The following CADPS2 variants were observed in gnomAD, a reference collection of about 807,000 sequenced individuals.
CADPS2 encodes calcium-dependent secretion activator 2.
CADPS2 carries 93 observed loss-of-function variants against 172.5 expected under a neutral mutation model. That is an observed-to-expected ratio of 0.54 (90% CI 0.46 to 0.64). The LOEUF (loss-of-function observed/expected upper bound fraction) is 0.64, where lower values mean the gene tolerates loss of function less well. Ranked by LOEUF, CADPS2 falls within the 30% of genes least tolerant of loss-of-function variation. CADPS2 has a pLI of 0.00. For synonymous variants in CADPS2, 546 were observed against 555.2 expected (o/e 0.98, Z 0.23); for missense variants, 1,420 against 1,565.9 (o/e 0.91, Z 1.57).
intron 2 of CADPS2, among the ~76,000 whole-genome samples, chr7:122,691,697 C>A (rs1330285022): frequency 6.6e-6 from 1 of 152,226 alleles, no homozygotes; most frequent in African/African-American, 2.4e-5. Flanking sequence ...TCCTGGCTCT[C>A]TGGAGCAATG....
At chr7:122,541,199 ATTT>A (rs35364064) in intron 8 of CADPS2, among the ~76,000 whole-genome samples, 5 of 138,110 alleles carry the variant, frequency 3.6e-5, no homozygotes, top group South Asian at 2.3e-4. Flanking sequence ...TTATGAGATG[ATTT>A]TTTTTTTTTT....
At chr7:122,708,938 C>G (rs1029114045) in intron 2 of CADPS2, among the ~76,000 whole-genome samples, 6 of 151,632 alleles carry the variant, frequency 4.0e-5, no homozygotes, top group African/African-American at 1.5e-4. Flanking sequence ...AATATTTGGC[C>G]GTAGTATAAT....
intron 1 of CADPS2, among the ~76,000 whole-genome samples, chr7:122,739,884 C>A (rs2092376623): frequency 6.6e-6 from 1 of 151,854 alleles, no homozygotes; most frequent in African/African-American, 2.4e-5. Context: ...AGAAACAGAC[C>A]GAAATACAAT....
intron 27 of CADPS2, among the ~76,000 whole-genome samples, chr7:122,351,349 G>C (rs1461157184): frequency 1.1e-5 from 1 of 88,164 alleles, no homozygotes; most frequent in South Asian, 3.7e-4. Context: ...CTCCAGCCTG[G>C]GTGACAGAGC....
chr7:122,538,183 C>T (rs971309214), intron 8 of CADPS2, among the ~76,000 whole-genome samples: 1 of 150,346 alleles, frequency 6.7e-6, no homozygotes, highest in Non-Finnish European at 1.5e-5. Flanking sequence ...AAAGAGAATG[C>T]AAAAAAATTA....
At chr7:122,723,722 TGC>T (rs1326978332) in intron 2 of CADPS2, among the ~76,000 whole-genome samples, 5 of 152,090 alleles carry the variant, frequency 3.3e-5, no homozygotes, top group Non-Finnish European at 7.4e-5. Flanking sequence ...TAAAGACACA[TGC>T]ACACATATGT....
intron 2 of CADPS2, chr7:122,701,753 A>T: frequency 1.0e-6 from 1 of 989,368 alleles, no homozygotes; most frequent in Non-Finnish European, 1.5e-6. Context: ...TTCTCTCTAC[A>T]TAAAGTACAA....
intron 1 of CADPS2, among the ~76,000 whole-genome samples, chr7:122,793,704 T>C (rs969730880): frequency 6.6e-6 from 1 of 152,202 alleles, no homozygotes; most frequent in Non-Finnish European, 1.5e-5. Flanking sequence ...GACTTGTTTA[T>C]GTGGTTGCTT....
rs923411823 is a variant in CADPS2, at chr7:122,395,913, G to A, written c.2747-2331C>T. Among the ~76,000 whole-genome samples, 5 of 151,694 alleles carry A rather than the reference G, an allele frequency of 3.3e-5. No individual in the cohort carries two copies. The East Asian group carries it at 7.8e-4, about 24-fold the overall frequency. On this transcript the variant is annotated intron_variant, in intron 20 of 29. Coordinates refer to ENST00000449022, the MANE Select transcript of CADPS2 (RefSeq NM_017954.11). ...CAACCTCTGCCTCCTGGGTTTAAGC[G>A]ATTCTCCTGCCTCAGCCTCCCGAGT...
rs967644530 is a variant in CADPS2, at chr7:122,485,562, G to GGTCA, written c.1852+4515_1852+4518dup. On this transcript the variant is annotated intron_variant, in intron 11 of 29. Transcript: ENST00000449022. ...CTCTGCAAACTGTGAAGCCAGCAGA[G>GGTCA]GTCAGCTCATTAGGGTTAAGGAAAA... Among the ~76,000 whole-genome samples the GGTCA allele has an allele frequency of 4.6e-5, 7 of 152,278 alleles. No homozygotes were observed. In the Middle Eastern group the frequency reaches 0.01, roughly 222 times the overall value.
intron 8 of CADPS2, among the ~76,000 whole-genome samples, chr7:122,548,918 T>C (rs983796635): frequency 5.9e-5 from 9 of 152,140 alleles, no homozygotes; most frequent in East Asian, 1.9e-4. Flanking sequence ...AACTACCATA[T>C]CTACATCCAT....
chr7:122,878,513 G>A (rs1821925118), intron 1 of CADPS2, among the ~76,000 whole-genome samples: 1 of 151,018 alleles, frequency 6.6e-6, no homozygotes, highest in Non-Finnish European at 1.5e-5. Flanking sequence ...AGTGGCGGGT[G>A]CCTGTAGTCC....
At chr7:122,638,045 C>T (rs2077242402) in intron 3 of CADPS2, among the ~76,000 whole-genome samples, 1 of 152,152 alleles carries the variant, frequency 6.6e-6, no homozygotes, top group African/African-American at 2.4e-5. Flanking sequence ...TTGGCATACG[C>T]ACAGTAGTAC....
intron 1 of CADPS2, among the ~76,000 whole-genome samples, chr7:122,828,358 T>TA (rs367671935): frequency 1.3e-5 from 2 of 152,136 alleles, no homozygotes; most frequent in South Asian, 2.1e-4. Context: ...CTTTTTTTTT[T>TA]ATCCACTCTA....
intron 9 of CADPS2, among the ~76,000 whole-genome samples, chr7:122,504,818 G>T (rs1046278436): frequency 1.3e-5 from 2 of 152,094 alleles, no homozygotes; most frequent in African/African-American, 4.8e-5. Flanking sequence ...AGCAATCTCA[G>T]TTTCTGGAGT....
intron 12 of CADPS2, among the ~76,000 whole-genome samples, chr7:122,476,996 GGGAGA>G (rs1208335745): frequency 0.1 from 4,884 of 47,520 alleles, 854 homozygotes; most frequent in Non-Finnish European, 0.16. Flanking sequence ...GGGAGGGGAG[GGGAGA>G]GGAGAGGAGA....
chr7:122,552,671 T>C (rs1340686477), intron 8 of CADPS2, among the ~76,000 whole-genome samples: 1 of 152,030 alleles, frequency 6.6e-6, no homozygotes, highest in East Asian at 1.9e-4. Context: ...CTATGCATGT[T>C]CAGTCTTTGT....
chr7:122,885,788 C>G (rs115694041), intron 1 of CADPS2, among the ~76,000 whole-genome samples: 1,711 of 152,252 alleles, frequency 0.011, 34 homozygotes, highest in African/African-American at 0.04. Context: ...CCTGCCAGCC[C>G]AGGCGGGGAG....
chr7:122,726,882 T>A (rs1204146564), intron 2 of CADPS2, among the ~76,000 whole-genome samples: 1 of 151,414 alleles, frequency 6.6e-6, no homozygotes, highest in East Asian at 1.9e-4. Flanking sequence ...GCTGACAAGA[T>A]AAAGTAAAAT....
Sources: gnomAD v4.1 joint callset for allele counts (sites outside exome capture counted in the v4.1 genomes callset) on GRCh38, gnomAD v4.1.1 for gene constraint, MANE v1.5 for transcripts, NCBI Gene and HGNC (gene_info 2026-07-23, HGNC 2026-07-21) for gene names.